Variants in ZNF503 observed in about 807,000 individuals in gnomAD.
The protein encoded by ZNF503 is zinc finger protein 503.
A neutral mutation model predicts 34.4 loss-of-function variants in ZNF503; 15 were observed. The ratio of observed to expected loss-of-function variants is 0.44; its 90% CI spans 0.29 to 0.67. The LOEUF (loss-of-function observed/expected upper bound fraction) is 0.67. Among genes scored for constraint, ZNF503 ranks in the 30% least tolerant of loss-of-function variants. The probability of loss-of-function intolerance (pLI) is 0.13; values close to 1 mark genes in which losing one functional copy is unlikely to be tolerated. For synonymous variants in ZNF503, 580 were observed against 456.8 expected (o/e 1.27, Z -3.44); for missense variants, 1,007 against 926.8 (o/e 1.09, Z -1.12).
At chr10:75,286,285 G>GAA in the ZNF503 span, among the ~76,000 whole-genome samples, 1,453 of 139,982 alleles carry the variant, frequency 0.01, 30 homozygotes, top group African/African-American at 0.034. Context: ...ACTGTCTCAG[G>GAA]AAAAAAAAAA....
At chr10:75,377,776 C>G in the ZNF503 span, among the ~76,000 whole-genome samples, 4 of 152,180 alleles carry the variant, frequency 2.6e-5, no homozygotes, top group African/African-American at 9.7e-5. Context: ...ACATGATGGT[C>G]CCAGAACACT....
the ZNF503 span, among the ~76,000 whole-genome samples, chr10:75,349,965 G>T: frequency 6.6e-6 from 1 of 152,228 alleles, no homozygotes; most frequent in African/African-American, 2.4e-5. Context: ...CAGTTGGTGG[G>T]CCCTGAGGAT....
chr10:75,295,332 C>G, the ZNF503 span, among the ~76,000 whole-genome samples: 8 of 152,036 alleles, frequency 5.3e-5, no homozygotes, highest in Admixed American at 1.3e-4. This position sits in a 1 kb window ranked among gnomAD's most constrained non-coding sequence, Gnocchi z 4.0. Flanking sequence ...GGCGGCCTCT[C>G]CCAAAGTTGT....
chr10:75,292,773 A>G, the ZNF503 span, among the ~76,000 whole-genome samples: 1 of 152,236 alleles, frequency 6.6e-6, no homozygotes, highest in Admixed American at 6.5e-5. Flanking sequence ...AGGCAAGTCC[A>G]GCAGTTTAGG....
the ZNF503 span, among the ~76,000 whole-genome samples, chr10:75,356,821 G>A: frequency 6.6e-6 from 1 of 152,226 alleles, no homozygotes; most frequent in South Asian, 2.1e-4. Flanking sequence ...CTGGGTCACT[G>A]TGGCTATAGC....
Position 75,399,492 on chromosome 10 carries a change from C to A in ZNF503, c.1198G>T (p.Gly400Trp). 1 of 1,566,436 alleles carries A rather than the reference C, an allele frequency of 6.4e-7. No homozygotes were observed. The highest frequency in any genetic ancestry group is 2.3e-5 in the East Asian group (1 of 42,876). The part of the protein sequence containing the change: ...VGAQLAAAAA[G>W]SLGCSKPAGS... Reference sequence around the variant, plus strand: ...GCCGGCTTACTGCAGCCCAGAGACCCGGCCGCGGCCGCCGCCAGCTGCGCC... The same window carrying A: ...GCCGGCTTACTGCAGCCCAGAGACCAGGCCGCGGCCGCCGCCAGCTGCGCC... Residue 400 changes from glycine (G) to tryptophan (W), a missense_variant, in exon 2 of 2, where the codon GGG (glycine) becomes TGG (tryptophan). By Grantham distance (184) the Gly-to-Trp change is radical. Coordinates refer to ENST00000372524, the MANE Select transcript of ZNF503 (RefSeq NM_032772.6).
At chr10:75,393,066 A>C (rs1398239030), downstream of ZNF503, among the ~76,000 whole-genome samples, 2 of 152,096 alleles carry the variant, frequency 1.3e-5, no homozygotes, top group Non-Finnish European at 2.9e-5. Context: ...TCACTCTAGG[A>C]ATATTTCTTG....
At chr10:75,382,634 C>G in the ZNF503 span, 1 of 386,656 alleles carries the variant, frequency 2.6e-6, no homozygotes. Context: ...GAATGCATGA[C>G]TGTTCTAGAA....
At chr10:75,311,665 A>G in the ZNF503 span, among the ~76,000 whole-genome samples, 2 of 128,746 alleles carry the variant, frequency 1.6e-5, no homozygotes, top group Non-Finnish European at 1.7e-5. Context: ...CTCTACTAAA[A>G]ATACCAAAAA....
the ZNF503 span, among the ~76,000 whole-genome samples, chr10:75,333,325 C>T: frequency 1.8e-5 from 1 of 55,670 alleles, no homozygotes; most frequent in African/African-American, 8.2e-5. Flanking sequence ...GCTGGCTGGG[C>T]AGAGGGGCTC....
intron 1 of ZNF503, 47 bp downstream of exon 1, chr10:75,401,058 G>A (rs1163734779): frequency 1.2e-6 from 2 of 1,612,144 alleles, no homozygotes; most frequent in South Asian, 2.2e-5. Context: ...CCCTAGGGTG[G>A]CAGCCAGGGT....
chr10:75,306,611 G>A, the ZNF503 span, among the ~76,000 whole-genome samples: 2 of 151,940 alleles, frequency 1.3e-5, no homozygotes, highest in Admixed American at 1.3e-4. Context: ...ATTGTATTTT[G>A]AATGTGTTGT....
chr10:75,397,422 C>CGGCCCA (rs1271947166), downstream of ZNF503, among the ~76,000 whole-genome samples: 1 of 152,194 alleles, frequency 6.6e-6, no homozygotes, highest in African/African-American at 2.4e-5. Context: ...CCCGAGGCCC[C>CGGCCCA]GGCCCAGGCC....
the ZNF503 span, among the ~76,000 whole-genome samples, chr10:75,376,933 C>A: frequency 6.6e-6 from 1 of 152,194 alleles, no homozygotes; most frequent in Non-Finnish European, 1.5e-5. Context: ...CTGCCCTTGA[C>A]ATGTGGGGAT....
At chr10:75,282,630 T>TGAA in the ZNF503 span, among the ~76,000 whole-genome samples, 1 of 152,204 alleles carries the variant, frequency 6.6e-6, no homozygotes, top group African/African-American at 2.4e-5. Flanking sequence ...GGAAGGAAGC[T>TGAA]TCCATTTTCG....
chr10:75,292,817 TC>T, the ZNF503 span, among the ~76,000 whole-genome samples: 1,375 of 152,296 alleles, frequency 9.0e-3, 25 homozygotes, highest in African/African-American at 0.03. Flanking sequence ...CTTCTTGTGG[TC>T]TCCCTGGGAT....
the ZNF503 span, among the ~76,000 whole-genome samples, chr10:75,387,645 G>A: frequency 6.6e-6 from 1 of 152,216 alleles, no homozygotes; most frequent in Admixed American, 6.5e-5. Context: ...AGGTTTCTCT[G>A]TGGACATGGG....
chr10:75,378,005 A>G, the ZNF503 span, among the ~76,000 whole-genome samples: 1 of 151,974 alleles, frequency 6.6e-6, no homozygotes, highest in Admixed American at 6.6e-5. Flanking sequence ...GAGAGGAGGG[A>G]GGTTCCACAC....
At chr10:75,355,395 G>T in the ZNF503 span, among the ~76,000 whole-genome samples, 1 of 152,216 alleles carries the variant, frequency 6.6e-6, no homozygotes, top group Non-Finnish European at 1.5e-5. Context: ...CATCAAGCTT[G>T]CCACTTATTT....
Sources: gnomAD v4.1 joint callset for allele counts (sites outside exome capture counted in the v4.1 genomes callset) on GRCh38, gnomAD v4.1.1 for gene constraint, Gnocchi (gnomAD v3.1) non-coding constraint, MANE v1.5 for transcripts, NCBI Gene and HGNC (gene_info 2026-07-23, HGNC 2026-07-21) for gene names.